Variants in HSF2BP observed in about 807,000 individuals in gnomAD.
HSF2BP encodes the protein heat shock transcription factor 2 binding protein.
In HSF2BP, 35 loss-of-function variants were observed where a neutral mutation model predicts 35.0. The observed-to-expected ratio is 1.00, with a 90% CI of 0.76 to 1.32. The LOEUF (loss-of-function observed/expected upper bound fraction) is 1.32. Among genes scored for constraint, HSF2BP ranks in the 40% most tolerant of loss-of-function variants. The pLI is 0.00. For missense variants in HSF2BP, 326 were observed against 321.7 expected (o/e 1.01, Z -0.10); for synonymous variants, 114 against 117.4 (o/e 0.97, Z 0.18).
chr21:43,458,142 C>G, the HSF2BP span, among the ~76,000 whole-genome samples: 1 of 97,514 alleles, frequency 1.0e-5, no homozygotes, highest in Non-Finnish European at 2.1e-5. Context: ...GCCCCTGGGT[C>G]TGGGGCATGC....
the HSF2BP span, chr21:43,475,995 C>T: frequency 5.7e-5 from 2 of 35,370 alleles, 1 homozygote. Context: ...GTGCTTCCAG[C>T]GCTTCCACAC....
chr21:43,642,891 C>T (rs2082658373), intron 4 of HSF2BP, among the ~76,000 whole-genome samples: 2 of 150,042 alleles, frequency 1.3e-5, no homozygotes, highest in South Asian at 4.2e-4. Context: ...CCTCCACCTC[C>T]CAGGTTCAAG....
chr21:43,590,688 G>T (rs2081914491), intron 8 of HSF2BP, among the ~76,000 whole-genome samples: 1 of 152,068 alleles, frequency 6.6e-6, no homozygotes, highest in Admixed American at 6.5e-5. Flanking sequence ...GACATGGATG[G>T]GTCTCAAAAT....
the HSF2BP span, among the ~76,000 whole-genome samples, chr21:43,467,839 CACCACAT>C: frequency 1.6e-5 from 2 of 127,312 alleles, no homozygotes; most frequent in African/African-American, 3.0e-5. Flanking sequence ...ACACACCACA[CACCACAT>C]ACACACCACA....
chr21:43,576,488 C>T (rs2081645720), intron 8 of HSF2BP, among the ~76,000 whole-genome samples: 1 of 152,206 alleles, frequency 6.6e-6, no homozygotes, highest in Non-Finnish European at 1.5e-5. Context: ...ATGCACAAGT[C>T]AACGTGCTAT....
chr21:43,575,795 A>G (rs1006045118), intron 8 of HSF2BP, among the ~76,000 whole-genome samples: 5 of 152,180 alleles, frequency 3.3e-5, no homozygotes, highest in African/African-American at 1.2e-4. Flanking sequence ...ACTAAAAGAC[A>G]GTGGTAAGTG....
chr21:43,595,443 G>A (rs946055463), intron 7 of HSF2BP, among the ~76,000 whole-genome samples: 1 of 151,986 alleles, frequency 6.6e-6, no homozygotes, highest in Non-Finnish European at 1.5e-5. Flanking sequence ...CGGGCAGCTT[G>A]AGCCCAGGAG....
intron 8 of HSF2BP, among the ~76,000 whole-genome samples, chr21:43,574,317 A>G (rs1035693833): frequency 1.3e-5 from 2 of 152,122 alleles, no homozygotes; most frequent in African/African-American, 4.8e-5. Flanking sequence ...TCTTGGGAGC[A>G]ATGGTTCCTA....
At chr21:43,626,336 A>C (rs2082389135) in intron 6 of HSF2BP, among the ~76,000 whole-genome samples, 1 of 152,256 alleles carries the variant, frequency 6.6e-6, no homozygotes, top group Non-Finnish European at 1.5e-5. Context: ...AAAATAATAA[A>C]GCAAATAAAG....
intron 3 of HSF2BP, 102 bp downstream of exon 3, chr21:43,656,485 C>CT: frequency 9.1e-7 from 1 of 1,104,572 alleles, no homozygotes; most frequent in Non-Finnish European, 1.3e-6. Flanking sequence ...ATCACAAGGA[C>CT]TGTAAGAGTA....
chr21:43,592,041 C>T (rs1181312254), intron 8 of HSF2BP, among the ~76,000 whole-genome samples, 184 bp downstream of exon 8: 1 of 152,052 alleles, frequency 6.6e-6, no homozygotes, highest in African/African-American at 2.4e-5. Context: ...ACCTCTATGC[C>T]TAATTATAAA....
intron 8 of HSF2BP, among the ~76,000 whole-genome samples, chr21:43,590,798 AAACT>A (rs1221950486): frequency 7.2e-5 from 11 of 152,340 alleles, no homozygotes; most frequent in African/African-American, 2.4e-4. Context: ...AAGAAAATGA[AAACT>A]AACTACAGCG....
the HSF2BP span, among the ~76,000 whole-genome samples, chr21:43,493,674 T>TGTGACTCAGCTCTGCTAC: frequency 3.3e-5 from 1 of 30,680 alleles, no homozygotes; most frequent in Non-Finnish European, 6.9e-5. Flanking sequence ...AGCTCTGCCA[T>TGTGACTCAGCTCTGCTAC]GTGACTCAGC....
intron 7 of HSF2BP, among the ~76,000 whole-genome samples, chr21:43,606,058 G>C (rs2082131620): frequency 6.6e-6 from 1 of 152,076 alleles, no homozygotes; most frequent in South Asian, 2.1e-4. Flanking sequence ...CCGCCTGCCG[G>C]GACACCCACC....
intron 8 of HSF2BP, among the ~76,000 whole-genome samples, chr21:43,583,575 GCTGAGGGAGATGAGGACCTC>G: frequency 7.1e-6 from 1 of 141,242 alleles, no homozygotes; most frequent in Non-Finnish European, 1.5e-5. Context: ...ATGAAGACCT[GCTGAGGGAGATGAGGACCTC>G]CTGAGGGAGA....
At chr21:43,650,849 A>G (rs550606586) in intron 3 of HSF2BP, among the ~76,000 whole-genome samples, 122 of 152,018 alleles carry the variant, frequency 8.0e-4, no homozygotes, top group African/African-American at 2.8e-3. Context: ...CCAGGATTAC[A>G]GGTACATGCC....
intron 5 of HSF2BP, among the ~76,000 whole-genome samples, chr21:43,632,366 A>T (rs1601699657): frequency 2.1e-5 from 1 of 48,680 alleles, no homozygotes; most frequent in Non-Finnish European, 3.6e-5. Flanking sequence ...ACACGCTCCC[A>T]CACACACACG....
intron 8 of HSF2BP, among the ~76,000 whole-genome samples, chr21:43,576,887 C>T (rs780311740): frequency 1.3e-5 from 2 of 152,144 alleles, no homozygotes; most frequent in African/African-American, 2.4e-5. Flanking sequence ...TCAGCTAAAC[C>T]ATGTGAAATT....
At chr21:43,629,357 G>C (rs948349522) in intron 6 of HSF2BP, among the ~76,000 whole-genome samples, 19 of 152,136 alleles carry the variant, frequency 1.2e-4, no homozygotes, top group African/African-American at 4.1e-4. Context: ...CCTGAGGTCA[G>C]GAGTTCAAGA....
Sources: gnomAD v4.1 joint callset for allele counts (sites outside exome capture counted in the v4.1 genomes callset) on GRCh38, gnomAD v4.1.1 for gene constraint, MANE v1.5 for transcripts, NCBI Gene and HGNC (gene_info 2026-07-23, HGNC 2026-07-21) for gene names.